LAMB4: variants seen among roughly 807,000 people sequenced by gnomAD.
LAMB4 encodes the protein laminin subunit beta 4.
A neutral mutation model predicts 199.2 loss-of-function variants in LAMB4; 196 were observed. That is an observed-to-expected ratio of 0.98 (90% CI 0.88 to 1.11). The LOEUF (loss-of-function observed/expected upper bound fraction) is 1.11, where lower values mean the gene tolerates loss of function less well. Ranked by LOEUF, LAMB4 falls within the 50% of genes least tolerant of loss-of-function variation. LAMB4 has a pLI of 0.00. For missense variants in LAMB4, 2,080 were observed against 2,171.2 expected, an observed-to-expected ratio of 0.96 and a Z score of 0.83; for synonymous variants, 744 against 770.6, an observed-to-expected ratio of 0.97 and a Z score of 0.57.
At chr7:108,019,518 C>A (rs1253353025), downstream of LAMB4, among the ~76,000 whole-genome samples, 1 of 152,050 alleles carries the variant, frequency 6.6e-6, no homozygotes. Context: ...ATGTGGACGT[C>A]TTTTGGGGGC....
chr7:108,092,006 AC>A (rs991147402), intron 13 of LAMB4, among the ~76,000 whole-genome samples: 2 of 151,456 alleles, frequency 1.3e-5, no homozygotes, highest in African/African-American at 4.9e-5. Flanking sequence ...TCCGCCCCCA[AC>A]CCCCCACTGC....
intron 16 of LAMB4, among the ~76,000 whole-genome samples, 158 bp from the exon 17 acceptor site, chr7:108,077,222 T>C (rs2036736856): frequency 6.6e-6 from 1 of 151,540 alleles, no homozygotes; most frequent in African/African-American, 2.4e-5. Context: ...GGTGGGTTGG[T>C]TGGATGGTAA....
chr7:108,127,561 C>T (rs530623685), intron 1 of LAMB4, among the ~76,000 whole-genome samples: 1 of 152,302 alleles, frequency 6.6e-6, no homozygotes, highest in African/African-American at 2.4e-5. Flanking sequence ...GGCAATCTCT[C>T]TCAGAACCAG....
chr7:108,091,098 C>CTT (rs34553199), intron 14 of LAMB4, among the ~76,000 whole-genome samples: 158 of 149,466 alleles, frequency 1.1e-3, no homozygotes, highest in African/African-American at 1.2e-3. Context: ...CTCGAATTAC[C>CTT]TTTTTTTTTT....
intron 1 of LAMB4, among the ~76,000 whole-genome samples, chr7:108,127,773 A>G (rs1219985722): frequency 6.6e-6 from 1 of 152,092 alleles, no homozygotes; most frequent in Non-Finnish European, 1.5e-5. Flanking sequence ...AAGTCTTTGC[A>G]CTCCAAAGAC....
chr7:108,037,537 G>C lies in LAMB4; in HGVS notation c.4530C>G (p.His1510Gln). 6.2e-7 allele frequency: 1 copy of C among 1,614,134 alleles called. No individual in the cohort carries two copies. Among genetic ancestry groups the C allele is most frequent in the Non-Finnish European group, 8.5e-7 (1 of 1,180,012 alleles). Residue 1510 changes from histidine to glutamine, a missense_variant, in exon 30 of 34, where the codon CAC (histidine) becomes CAG (glutamine). By Grantham distance (24) the His-to-Gln change is conservative. Transcript: ENST00000388781. ...EKVANGVLDI[H>Q]LPIPSQNLTD... Reference sequence around the variant, plus strand: ...TTAGATTTTGGGATGGAATTGGTAGGTGAATGTCAAGCACACCATTCGCAA... The same window carrying C: ...TTAGATTTTGGGATGGAATTGGTAGCTGAATGTCAAGCACACCATTCGCAA...
chr7:108,086,246 G>A (rs1379409542), intron 14 of LAMB4, among the ~76,000 whole-genome samples: 1 of 152,082 alleles, frequency 6.6e-6, no homozygotes, highest in African/African-American at 2.4e-5. Context: ...GCTTCCCTGG[G>A]GGATGAGACC....
At chr7:108,030,080 TGCATTC>T (rs1422321497) in intron 32 of LAMB4, among the ~76,000 whole-genome samples, 1 of 150,424 alleles carries the variant, frequency 6.6e-6, no homozygotes, top group East Asian at 2.0e-4. Context: ...ACTGAGCCAC[TGCATTC>T]CAGTCTGGTG....
chr7:108,117,133 G>A lies in LAMB4; in HGVS notation c.35-972C>T, dbSNP rs145377372. Among the ~76,000 whole-genome samples, 383 of 152,240 alleles carry A rather than the reference G, an allele frequency of 2.5e-3. 3 individuals carry two copies. In the South Asian group the frequency reaches 0.026, roughly 10 times the overall value. ...TTTAAAGTTAAATCTCAGGAATTAA[G>A]TTATAAACCCATATAATCAAATTAT... On this transcript the variant is annotated intron_variant, in intron 2 of 33. Transcript: ENST00000388781.
chr7:108,125,073 T>G (rs141898898), intron 1 of LAMB4, among the ~76,000 whole-genome samples: 1 of 152,298 alleles, frequency 6.6e-6, no homozygotes, highest in Non-Finnish European at 1.5e-5. Flanking sequence ...GAAACAGTCC[T>G]CCCATAGTAG....
At chr7:108,031,175 G>A (rs936527730) in intron 31 of LAMB4, among the ~76,000 whole-genome samples, 196 bp from the exon 32 acceptor site, 4 of 151,092 alleles carry the variant, frequency 2.6e-5, no homozygotes, top group African/African-American at 7.3e-5. Context: ...AAAATATAAC[G>A]TTAGCCTAGC....
At chr7:108,080,800 C>T (rs1382800518) in intron 14 of LAMB4, among the ~76,000 whole-genome samples, 1 of 150,984 alleles carries the variant, frequency 6.6e-6, no homozygotes, top group African/African-American at 2.4e-5. Context: ...CATCAATATA[C>T]AATGTTTTTC....
chr7:108,102,649 AT>A lies in LAMB4; in HGVS notation c.1180+394del, dbSNP rs377629011. Reference sequence around the variant, plus strand: ...AAGAAGTTGAGATTCAAGATAAAAGATTTTTAAAGGTTTTTAAAAAGCGCAA... The same window carrying A: ...AAGAAGTTGAGATTCAAGATAAAAGATTTTAAAGGTTTTTAAAAAGCGCAA... On this transcript the variant is annotated intron_variant, in intron 10 of 33. Coordinates refer to ENST00000388781, the MANE Select transcript of LAMB4 (RefSeq NM_007356.3). Among the ~76,000 whole-genome samples the A allele has an allele frequency of 1.4e-3, 208 of 152,336 alleles. 1 individual carries two copies. Among genetic ancestry groups the A allele is most frequent in the African/African-American group, 4.7e-3 (196 of 41,574 alleles).
chr7:108,129,602 T>G (rs1167005851), intron 1 of LAMB4, among the ~76,000 whole-genome samples: 1 of 151,800 alleles, frequency 6.6e-6, no homozygotes, highest in African/African-American at 2.4e-5. Flanking sequence ...CAGTGGCACA[T>G]TCTTGGTTCA....
At chr7:108,116,198 T>C (rs1227850764) in intron 2 of LAMB4, 37 bp from the exon 3 acceptor site, 1 of 1,595,244 alleles carries the variant, frequency 6.3e-7, no homozygotes, top group Non-Finnish European at 8.6e-7. Flanking sequence ...CGGAAGGCAG[T>C]CTAAGGACAG....
At chr7:108,126,993 T>A (rs1158194764) in intron 1 of LAMB4, among the ~76,000 whole-genome samples, 1 of 152,098 alleles carries the variant, frequency 6.6e-6, no homozygotes, top group Non-Finnish European at 1.5e-5. Context: ...CAGGTGTCAA[T>A]GTGTATAAAA....
chr7:108,088,365 G>C (rs1296698900), intron 14 of LAMB4, among the ~76,000 whole-genome samples: 1 of 151,802 alleles, frequency 6.6e-6, no homozygotes, highest in Non-Finnish European at 1.5e-5. Flanking sequence ...GTTTCGCCTT[G>C]GTTGGCCAGG....
chr7:108,099,957 A>G (rs920416863), intron 10 of LAMB4, among the ~76,000 whole-genome samples: 1 of 152,178 alleles, frequency 6.6e-6, no homozygotes, highest in African/African-American at 2.4e-5. Context: ...AAAAGCCACA[A>G]TTTTCTTCTA....
intron 14 of LAMB4, among the ~76,000 whole-genome samples, chr7:108,091,217 T>C (rs1413987294): frequency 6.6e-6 from 1 of 152,200 alleles, no homozygotes; most frequent in Non-Finnish European, 1.5e-5. Context: ...TCAGGCACTG[T>C]GCTAGGCGCT....
Sources: gnomAD v4.1 joint callset for allele counts (sites outside exome capture counted in the v4.1 genomes callset) on GRCh38, gnomAD v4.1.1 for gene constraint, MANE v1.5 for transcripts, NCBI Gene and HGNC (gene_info 2026-07-23, HGNC 2026-07-21) for gene names.